The following IMMP1L variants were observed in gnomAD, a reference collection of about 807,000 sequenced individuals.
IMMP1L encodes inner mitochondrial membrane peptidase subunit 1, also known as mitochondrial inner membrane protease subunit 1.
Under a neutral mutation model 21.8 loss-of-function variants are expected in IMMP1L, and 24 were observed. That is an observed-to-expected ratio of 1.10 (90% CI 0.80 to 1.55). The LOEUF (loss-of-function observed/expected upper bound fraction) is 1.55. Ranked by LOEUF, IMMP1L falls within the 40% of genes most tolerant of loss-of-function variation. The probability of loss-of-function intolerance (pLI) is 0.00; values close to 1 mark genes in which losing one functional copy is unlikely to be tolerated. For missense variants in IMMP1L, 195 were observed against 200.7 expected (o/e 0.97, Z 0.17); for synonymous variants, 46 against 62.8 (o/e 0.73, Z 1.26).
In IMMP1L at chr11:31,464,725, G is replaced by T. The variant is rs559711675; in HGVS notation, c.-29-1420C>A. On this transcript the variant is annotated intron_variant, in intron 1 of 5. Transcript: ENST00000532287. Reference sequence around the variant, plus strand: ...CTCAATAGATGCAGAAAAAGCATTTGATAAATTTCAACATCACTTCACGAT... The same window carrying T: ...CTCAATAGATGCAGAAAAAGCATTTTATAAATTTCAACATCACTTCACGAT... Among the ~76,000 whole-genome samples the T allele has an allele frequency of 2.0e-5, 3 of 152,216 alleles. No homozygotes were observed. In the South Asian group the frequency reaches 6.2e-4, roughly 32 times the overall value.
intron 1 of IMMP1L, chr11:31,477,367 T>C (rs944356474): frequency 1.6e-5 from 3 of 189,712 alleles, no homozygotes; most frequent in Non-Finnish European, 2.0e-5. Context: ...GATCAACTTT[T>C]CTATTTCAAT....
Position 31,432,513 on chromosome 11 carries a change from A to G in IMMP1L, c.488T>C (p.Phe163Ser). The G allele has an allele frequency of 6.2e-7, 1 of 1,611,832 alleles. No homozygotes were observed. The highest frequency in any genetic ancestry group is 2.2e-5 in the East Asian group (1 of 44,802). ...AATAAATGCTTACTAATCATCAGAA[A>G]ATCTGTGGCCATTAGGGCTGGCACG... is the stretch of plus-strand genomic sequence containing the variant. ...FLRASPNGHR[F>S]SDD The change falls in exon 6 of 6, where the codon TTT (phenylalanine) becomes TCT (serine). Residue 163 changes from phenylalanine to serine, a missense_variant. Physicochemically the swap from Phe to Ser is radical, Grantham distance 155. Transcript: ENST00000532287.
At chr11:31,441,272 A>G (rs1166960281) in intron 4 of IMMP1L, among the ~76,000 whole-genome samples, 2 of 149,606 alleles carry the variant, frequency 1.3e-5, no homozygotes, top group African/African-American at 4.9e-5. Flanking sequence ...ATCCTTCATG[A>G]TGCAGGTTGG....
chr11:31,464,886 C>T (rs961986690), intron 1 of IMMP1L, among the ~76,000 whole-genome samples: 1 of 152,086 alleles, frequency 6.6e-6, no homozygotes, highest in East Asian at 1.9e-4. Flanking sequence ...TGGAACAAGA[C>T]ACGGATGCCC....
At chr11:31,451,328 A>T (rs946308897) in intron 4 of IMMP1L, among the ~76,000 whole-genome samples, 2 of 152,160 alleles carry the variant, frequency 1.3e-5, no homozygotes, top group Non-Finnish European at 2.9e-5. Flanking sequence ...GATGCCAGAA[A>T]ATCGGAAGGG....
At chr11:31,486,557 C>T (rs1018688255) in intron 1 of IMMP1L, among the ~76,000 whole-genome samples, 5 of 149,696 alleles carry the variant, frequency 3.3e-5, no homozygotes, top group African/African-American at 7.3e-5. Context: ...GAATGTTCCC[C>T]AACATTTAAT....
intron 3 of IMMP1L, among the ~76,000 whole-genome samples, chr11:31,459,976 G>A (rs1277963929): frequency 3.9e-5 from 6 of 151,992 alleles, no homozygotes. Flanking sequence ...GGGCAACATG[G>A]CGAAACCCAG....
At chr11:31,450,769 A>G (rs1036858376) in intron 4 of IMMP1L, among the ~76,000 whole-genome samples, 2 of 152,214 alleles carry the variant, frequency 1.3e-5, no homozygotes, top group Non-Finnish European at 2.9e-5. Flanking sequence ...GCAAGTTTGC[A>G]GTAGAAACTA....
chr11:31,491,677 AG>A (rs1955261182), intron 1 of IMMP1L, among the ~76,000 whole-genome samples: 1 of 152,370 alleles, frequency 6.6e-6, no homozygotes, highest in South Asian at 2.1e-4. Context: ...AAATTGTAAA[AG>A]ATGCTAAAAC....
intron 5 of IMMP1L, among the ~76,000 whole-genome samples, 179 bp downstream of exon 5, chr11:31,433,281 G>T (rs1317731651): frequency 6.6e-6 from 1 of 152,124 alleles, no homozygotes; most frequent in African/African-American, 2.4e-5. Flanking sequence ...CTCTATGGGA[G>T]CAGGGGCAAT....
intron 1 of IMMP1L, among the ~76,000 whole-genome samples, chr11:31,504,806 A>C (rs1955729826): frequency 6.6e-6 from 1 of 152,226 alleles, no homozygotes. Flanking sequence ...TAGTGGATCT[A>C]ATGGAATCTA....
In IMMP1L at chr11:31,438,912, C is replaced by T. The variant is rs185143147; in HGVS notation, c.322-5342G>A. Among the ~76,000 whole-genome samples the T allele has an allele frequency of 1.3e-4, 20 of 152,238 alleles. No individual in the cohort carries two copies. The East Asian group carries it at 2.5e-3, about 19-fold the overall frequency. On this transcript the variant is annotated intron_variant, in intron 4 of 5. Transcript: ENST00000532287. ...TGTAAGGTAAGAAAGGAAAGAATTT[C>T]GCAGCAGTATATTTTCATCCTCATC... is the stretch of plus-strand genomic sequence containing the variant.
rs576555143 is a variant in IMMP1L at position 31,470,583 on chromosome 11, A to G, written c.-29-7278T>C. Among the ~76,000 whole-genome samples the G allele has an allele frequency of 3.3e-5, 5 of 152,306 alleles. No homozygotes were observed. In the South Asian group the frequency reaches 8.3e-4, roughly 25 times the overall value. The stretch of plus-strand genomic sequence containing the variant: ...AAAACATATATAAAAAAGAACACTA[A>G]AAAATAGAACTACCATATGATCCAG... On this transcript the variant is annotated intron_variant, in intron 1 of 5. Transcript: ENST00000532287.
At chr11:31,432,866 TAAG>T (rs1952960742) in intron 5 of IMMP1L, among the ~76,000 whole-genome samples, 1 of 152,194 alleles carries the variant, frequency 6.6e-6, no homozygotes, top group East Asian at 1.9e-4. Context: ...TACTTGCAAG[TAAG>T]AGTTAACTGT....
intron 1 of IMMP1L, among the ~76,000 whole-genome samples, chr11:31,496,844 A>T (rs923106150): frequency 6.8e-6 from 1 of 148,082 alleles, no homozygotes; most frequent in Non-Finnish European, 1.5e-5. Flanking sequence ...ATAATTTTAT[A>T]TATCTAAGAG....
intron 1 of IMMP1L, among the ~76,000 whole-genome samples, chr11:31,468,683 A>G (rs1199630140): frequency 6.6e-6 from 1 of 152,202 alleles, no homozygotes; most frequent in East Asian, 1.9e-4. Flanking sequence ...AGCTTATAGT[A>G]TAGTGGGGCA....
intron 2 of IMMP1L, 97 bp from the exon 3 acceptor site, chr11:31,460,811 T>A: frequency 1.1e-6 from 1 of 896,122 alleles, no homozygotes; most frequent in Non-Finnish European, 1.8e-6. Context: ...ATCAAGCAAA[T>A]GTTCCTAAAG....
intron 1 of IMMP1L, among the ~76,000 whole-genome samples, chr11:31,492,067 C>T (rs1265954746): frequency 6.6e-6 from 1 of 152,250 alleles, no homozygotes; most frequent in African/African-American, 2.4e-5. Context: ...GGAGAGTGAG[C>T]CTGTCCTGAG....
chr11:31,482,043 CAA>C (rs1954908997), intron 1 of IMMP1L, among the ~76,000 whole-genome samples: 1 of 152,012 alleles, frequency 6.6e-6, no homozygotes, highest in South Asian at 2.1e-4. Context: ...AACTAACAAA[CAA>C]CTAAAGTAGT....
Sources: gnomAD v4.1 joint callset for allele counts (sites outside exome capture counted in the v4.1 genomes callset) on GRCh38, gnomAD v4.1.1 for gene constraint, MANE v1.5 for transcripts, NCBI Gene and HGNC (gene_info 2026-07-23, HGNC 2026-07-21) for gene names.